FHIT: variants seen among roughly 807,000 people sequenced by gnomAD.
FHIT encodes bis(5'-adenosyl)-triphosphatase.
In FHIT, 19 loss-of-function variants were observed where a neutral mutation model predicts 17.9. The observed-to-expected ratio is 1.06, with a 90% CI of 0.74 to 1.56. The LOEUF (loss-of-function observed/expected upper bound fraction) is 1.56, where lower values mean the gene tolerates loss of function less well. FHIT is among the 40% of genes most tolerant of loss of function. The pLI is 0.00. For missense variants in FHIT, 248 were observed against 189.2 expected, an observed-to-expected ratio of 1.31 and a Z score of -1.82; for synonymous variants, 81 against 69.7, an observed-to-expected ratio of 1.16 and a Z score of -0.81.
At chr3:60,237,696 T>A (rs1160577022) in intron 5 of FHIT, among the ~76,000 whole-genome samples, 1 of 152,190 alleles carries the variant, frequency 6.6e-6, no homozygotes, top group African/African-American at 2.4e-5. Flanking sequence ...GGTTTGCAGT[T>A]TTCCACTGTT....
intron 8 of FHIT, among the ~76,000 whole-genome samples, chr3:59,882,040 C>T (rs1703431052): frequency 6.6e-6 from 1 of 152,104 alleles, no homozygotes; most frequent in Admixed American, 6.6e-5. Context: ...TAAAATAGTA[C>T]TTTTTCTCAT....
intron 5 of FHIT, among the ~76,000 whole-genome samples, chr3:60,271,413 A>G (rs747301016): frequency 3.3e-5 from 5 of 152,152 alleles, no homozygotes; most frequent in South Asian, 2.1e-4. Flanking sequence ...CCAAAAAATA[A>G]TAAAATAAAA....
chr3:60,895,640 C>G (rs1553761686), intron 3 of FHIT, among the ~76,000 whole-genome samples: 1 of 150,274 alleles, frequency 6.7e-6, no homozygotes, highest in African/African-American at 2.4e-5. Context: ...TCCCTTCTTT[C>G]CTTCCTTTCC....
intron 2 of FHIT, among the ~76,000 whole-genome samples, chr3:61,091,465 A>C (rs2035478767): frequency 6.6e-6 from 1 of 152,158 alleles, no homozygotes; most frequent in African/African-American, 2.4e-5. Context: ...AGCTGCTGTT[A>C]CTATTGTTGT....
chr3:61,141,433 TACAG>T (rs760230468), intron 2 of FHIT, among the ~76,000 whole-genome samples: 2 of 152,184 alleles, frequency 1.3e-5, no homozygotes, highest in African/African-American at 2.4e-5. Context: ...CCCAGAGGGA[TACAG>T]ACAAATACCT....
intron 8 of FHIT, among the ~76,000 whole-genome samples, chr3:59,791,575 T>A (rs1448690306): frequency 6.6e-6 from 1 of 152,110 alleles, no homozygotes; most frequent in African/African-American, 2.4e-5. Context: ...GCAGGTTGAG[T>A]TGGGTTTCTA....
At chr3:61,124,616 T>C (rs1394989741) in intron 2 of FHIT, among the ~76,000 whole-genome samples, 3 of 152,204 alleles carry the variant, frequency 2.0e-5, no homozygotes, top group African/African-American at 7.2e-5. Context: ...GTCTATACTA[T>C]GTTTCCAAGA....
intron 5 of FHIT, among the ~76,000 whole-genome samples, chr3:60,029,778 T>C (rs1042310478): frequency 5.3e-5 from 8 of 152,038 alleles, no homozygotes; most frequent in Non-Finnish European, 1.0e-4. Context: ...AATTACCTAA[T>C]TGTTTTGAGG....
At chr3:60,589,478 ACAT>A (rs1317604727) in intron 4 of FHIT, among the ~76,000 whole-genome samples, 9 of 152,090 alleles carry the variant, frequency 5.9e-5, no homozygotes, top group African/African-American at 1.9e-4. Flanking sequence ...GTTCTTTTGA[ACAT>A]CATCACAGTC....
At chr3:60,864,447 G>T (rs1223534964) in intron 3 of FHIT, among the ~76,000 whole-genome samples, 1 of 152,130 alleles carries the variant, frequency 6.6e-6, no homozygotes, top group Non-Finnish European at 1.5e-5. Flanking sequence ...CATTGCAGAA[G>T]GGTGAGGAGG....
chr3:60,806,373 A>T (rs1198366854), intron 4 of FHIT, among the ~76,000 whole-genome samples: 1 of 152,172 alleles, frequency 6.6e-6, no homozygotes, highest in Admixed American at 6.5e-5. Flanking sequence ...GGATCAATTT[A>T]TCTGAATCTT....
intron 5 of FHIT, among the ~76,000 whole-genome samples, chr3:60,084,684 G>C (rs1043768240): frequency 2.0e-5 from 3 of 152,090 alleles, no homozygotes; most frequent in African/African-American, 4.8e-5. Context: ...GAGGACTTTA[G>C]ACTCAGCATA....
intron 5 of FHIT, among the ~76,000 whole-genome samples, chr3:60,032,716 G>A (rs760857870): frequency 2.6e-5 from 4 of 152,124 alleles, no homozygotes; most frequent in Non-Finnish European, 5.9e-5. Context: ...TACTACAAAT[G>A]CTTATATCTG....
intron 5 of FHIT, among the ~76,000 whole-genome samples, chr3:60,110,788 G>A (rs141950477): frequency 2.6e-5 from 4 of 152,176 alleles, no homozygotes; most frequent in Non-Finnish European, 5.9e-5. Context: ...TTAAGGAAGG[G>A]GTTTGACATA....
intron 1 of FHIT, among the ~76,000 whole-genome samples, chr3:61,212,944 C>A (rs112472641): frequency 1.3e-5 from 2 of 152,176 alleles, no homozygotes; most frequent in African/African-American, 4.8e-5. Context: ...CCTTTACAGA[C>A]AAGCAAATGC....
intron 5 of FHIT, among the ~76,000 whole-genome samples, chr3:60,111,815 T>C (rs929511900): frequency 1.3e-5 from 2 of 152,218 alleles, no homozygotes; most frequent in Non-Finnish European, 2.9e-5. Flanking sequence ...TGTTAAGGTT[T>C]AGACTTGCAC....
intron 4 of FHIT, among the ~76,000 whole-genome samples, chr3:60,733,201 G>A (rs1270423275): frequency 1.3e-5 from 2 of 152,152 alleles, no homozygotes; most frequent in Admixed American, 6.5e-5. Flanking sequence ...CAAACCACTC[G>A]TGTATCATGG....
intron 6 of FHIT, 130 bp from the exon 7 acceptor site, chr3:60,011,530 C>T (rs1700139753): frequency 2.5e-6 from 2 of 791,912 alleles, no homozygotes; most frequent in African/African-American, 3.4e-5. Context: ...CTCATGGGGA[C>T]CATTGGCTTC....
chr3:60,694,258 T>C (rs1213146996), intron 4 of FHIT, among the ~76,000 whole-genome samples: 1 of 150,942 alleles, frequency 6.6e-6, no homozygotes, highest in Non-Finnish European at 1.5e-5. Flanking sequence ...AACCCGATGC[T>C]CTCTTTGCAT....
Sources: gnomAD v4.1 joint callset for allele counts (sites outside exome capture counted in the v4.1 genomes callset) on GRCh38, gnomAD v4.1.1 for gene constraint, MANE v1.5 for transcripts, NCBI Gene and HGNC (gene_info 2026-07-23, HGNC 2026-07-21) for gene names.